The following NTM variants were observed in gnomAD, a reference collection of about 807,000 sequenced individuals.
NTM encodes the protein neurotrimin.
A neutral mutation model predicts 42.1 loss-of-function variants in NTM; 13 were observed. The ratio of observed to expected loss-of-function variants is 0.31; its 90% CI spans 0.20 to 0.49. The LOEUF (loss-of-function observed/expected upper bound fraction) is 0.49, where lower values mean the gene tolerates loss of function less well. Ranked by LOEUF, NTM falls within the 20% of genes least tolerant of loss-of-function variation. The pLI is 0.99. For missense variants in NTM, 373 were observed against 452.8 expected, an observed-to-expected ratio of 0.82 and a Z score of 1.60; for synonymous variants, 187 against 179.2, an observed-to-expected ratio of 1.04 and a Z score of -0.35.
At chr11:132,283,397 G>A (rs1026640260) in intron 4 of NTM, among the ~76,000 whole-genome samples, 21 of 152,124 alleles carry the variant, frequency 1.4e-4, no homozygotes, top group African/African-American at 5.1e-4. Flanking sequence ...AGTTCTAAGG[G>A]AGTGGCTCAA....
At chr11:131,734,105 G>T (rs1400245878) in intron 1 of NTM, among the ~76,000 whole-genome samples, 2 of 152,202 alleles carry the variant, frequency 1.3e-5, no homozygotes, top group Non-Finnish European at 2.9e-5. Context: ...AGACCCTCCA[G>T]TGGGGCCATG....
chr11:131,948,984 G>A (rs761937427), intron 2 of NTM, among the ~76,000 whole-genome samples: 19 of 152,220 alleles, frequency 1.2e-4, no homozygotes, highest in East Asian at 5.8e-4. Context: ...GCAACTCCAC[G>A]TTTCTCCCTC....
At position 131,615,733 on chromosome 11, in the gene NTM, G is replaced by A. The variant is rs113820846; in HGVS notation, c.82+244845G>A. Among the ~76,000 whole-genome samples, 835 of 152,236 alleles carry A rather than the reference G, an allele frequency of 5.5e-3. 15 individuals carry two copies. Among genetic ancestry groups the A allele is most frequent in the African/African-American group, 0.019 (803 of 41,536 alleles). ...ATGGGATGTTCAGGACATGGCTCCC[G>A]TCAGCTCCCAGCTCCCAGACAGCAG... On this transcript the variant is annotated intron_variant, in intron 1 of 8. Coordinates refer to ENST00000683400, the MANE Select transcript of NTM (RefSeq NM_001352005.2).
At chr11:131,583,795 T>G (rs1353341206) in intron 1 of NTM, among the ~76,000 whole-genome samples, 1 of 152,104 alleles carries the variant, frequency 6.6e-6, no homozygotes, top group Non-Finnish European at 1.5e-5. Context: ...AACCAAGGAG[T>G]ATTTATTCTA....
At chr11:131,607,946 C>T (rs1048945469) in intron 1 of NTM, among the ~76,000 whole-genome samples, 3 of 151,830 alleles carry the variant, frequency 2.0e-5, no homozygotes, top group Non-Finnish European at 4.4e-5. Flanking sequence ...GGTACATGTG[C>T]ACAACGTGCA....
In NTM at chr11:131,837,879, G is replaced by A. The variant is rs114463046; in HGVS notation, c.83-73685G>A. Among the ~76,000 whole-genome samples, 868 of 152,304 alleles carry A rather than the reference G, an allele frequency of 5.7e-3. 10 individuals are homozygous for A. Among genetic ancestry groups the A allele is most frequent in the African/African-American group, 0.02 (829 of 41,576 alleles). On this transcript the variant is annotated intron_variant, in intron 1 of 8. Coordinates refer to ENST00000683400, the MANE Select transcript of NTM (RefSeq NM_001352005.2). ...CTGGAGATGACTTTAACTGCCTGAAGTCGAAAAAGGTTGTGTGTAATACCA... is the reference window on the plus strand; with the variant it reads ...CTGGAGATGACTTTAACTGCCTGAAATCGAAAAAGGTTGTGTGTAATACCA...
intron 2 of NTM, among the ~76,000 whole-genome samples, chr11:132,009,486 G>A (rs1221542812): frequency 2.0e-5 from 3 of 152,342 alleles, no homozygotes; most frequent in East Asian, 3.9e-4. Context: ...GGAAAGGGAT[G>A]TCGTTTCTGG....
At chr11:131,632,896 A>T (rs958288447) in intron 1 of NTM, among the ~76,000 whole-genome samples, 1 of 151,446 alleles carries the variant, frequency 6.6e-6, no homozygotes, top group Non-Finnish European at 1.5e-5. Context: ...GATGGTCTCG[A>T]TCTCCTGACC....
At chr11:132,292,787 TAAAAAAAAA>T (rs61603794) in intron 4 of NTM, among the ~76,000 whole-genome samples, 2 of 56,572 alleles carry the variant, frequency 3.5e-5, no homozygotes, top group Non-Finnish European at 6.0e-5. Context: ...GATGTAAAAG[TAAAAAAAAA>T]AAAAAAAAAA....
chr11:131,561,436 C>T (rs1182304418), intron 1 of NTM, among the ~76,000 whole-genome samples: 1 of 152,134 alleles, frequency 6.6e-6, no homozygotes, highest in African/African-American at 2.4e-5. Context: ...CTTCCAATAA[C>T]ATTTGGAAAC....
chr11:132,275,513 A>AT (rs1314300297), intron 4 of NTM, among the ~76,000 whole-genome samples: 13 of 150,890 alleles, frequency 8.6e-5, no homozygotes, highest in African/African-American at 2.4e-4. Flanking sequence ...TTTGAAATGA[A>AT]TTTTTTTTCA....
At chr11:131,529,116 T>C (rs1465005393) in intron 1 of NTM, among the ~76,000 whole-genome samples, 1 of 152,196 alleles carries the variant, frequency 6.6e-6, no homozygotes, top group Admixed American at 6.5e-5. Flanking sequence ...GAAGCTGTCA[T>C]GCAGTTTCTG....
chr11:131,484,284 A>C (rs1012535204), intron 1 of NTM, among the ~76,000 whole-genome samples: 1 of 152,186 alleles, frequency 6.6e-6, no homozygotes, highest in African/African-American at 2.4e-5. Context: ...AGAGAGAGAG[A>C]CAGACTAAAG....
At chr11:132,107,339 C>CTTCTTT (rs1640202965) in intron 2 of NTM, among the ~76,000 whole-genome samples, 15 of 88,864 alleles carry the variant, frequency 1.7e-4, no homozygotes, top group African/African-American at 7.0e-4. Context: ...AAGATTTATC[C>CTTCTTT]TTTTTTTTTT....
At chr11:132,005,503 G>A (rs1336119088) in intron 2 of NTM, among the ~76,000 whole-genome samples, 1 of 152,100 alleles carries the variant, frequency 6.6e-6, no homozygotes, top group East Asian at 1.9e-4. Context: ...GATTGAATGA[G>A]TGAAAGATGA....
chr11:132,206,332 A>G lies in NTM; in HGVS notation c.401-5690A>G, dbSNP rs945057948. ...CCATCATCTGGCTGTCATTCACTTC[A>G]TGATCTTGTATCCCATTTTTCATTG... On this transcript the variant is annotated intron_variant, in intron 3 of 8. Coordinates refer to ENST00000683400, the MANE Select transcript of NTM (RefSeq NM_001352005.2). Among the ~76,000 whole-genome samples the G allele has an allele frequency of 1.4e-4, 22 of 152,332 alleles. No homozygotes were observed. The East Asian group carries it at 4.2e-3, about 29-fold the overall frequency.
At chr11:131,676,342 A>T (rs748361803) in intron 1 of NTM, among the ~76,000 whole-genome samples, 1 of 152,224 alleles carries the variant, frequency 6.6e-6, no homozygotes, top group Non-Finnish European at 1.5e-5. Flanking sequence ...ATTTGGGAGC[A>T]ATCTGTTCAA....
chr11:132,080,851 T>C (rs1392501032), intron 2 of NTM, among the ~76,000 whole-genome samples: 1 of 152,188 alleles, frequency 6.6e-6, no homozygotes, highest in African/African-American at 2.4e-5. Context: ...GTTGGGTAGC[T>C]GATGGCAAGT....
At chr11:131,849,474 C>G (rs1170871296) in intron 1 of NTM, among the ~76,000 whole-genome samples, 1 of 151,976 alleles carries the variant, frequency 6.6e-6, no homozygotes, top group Non-Finnish European at 1.5e-5. Context: ...AAGTGCCACA[C>G]ACTTTTAAAG....
Sources: gnomAD v4.1 joint callset for allele counts (sites outside exome capture counted in the v4.1 genomes callset) on GRCh38, gnomAD v4.1.1 for gene constraint, MANE v1.5 for transcripts, NCBI Gene and HGNC (gene_info 2026-07-23, HGNC 2026-07-21) for gene names.